The following SDK2 variants were observed in gnomAD, a reference collection of about 807,000 sequenced individuals.
SDK2 encodes the protein protein sidekick-2.
Under a neutral mutation model 253.9 loss-of-function variants are expected in SDK2, and 105 were observed. That is an observed-to-expected ratio of 0.41 (90% CI 0.35 to 0.49). The LOEUF (loss-of-function observed/expected upper bound fraction) is 0.49. Ranked by LOEUF, SDK2 falls within the 20% of genes least tolerant of loss-of-function variation. The pLI is 0.06. For synonymous variants in SDK2, 1,249 were observed against 1,234.9 expected, an observed-to-expected ratio of 1.01 and a Z score of -0.24; for missense variants, 2,608 against 3,003.0, an observed-to-expected ratio of 0.87 and a Z score of 3.07.
intron 3 of SDK2, among the ~76,000 whole-genome samples, chr17:73,468,813 C>T (rs1249986807): frequency 2.7e-5 from 4 of 150,302 alleles, no homozygotes; most frequent in Non-Finnish European, 5.9e-5. Context: ...GCTTGAGCCA[C>T]CGCACCCAGC....
Position 73,379,262 on chromosome 17 carries a change from A to G in SDK2, c.4895T>C (p.Val1632Ala), listed in dbSNP as rs1173721542. 1 of 1,555,336 alleles carries G rather than the reference A, an allele frequency of 6.4e-7. No homozygotes were observed. Among genetic ancestry groups the G allele is most frequent in the Admixed American group, 1.9e-5 (1 of 51,414 alleles). ...VPTAAPRNVV[V>A]HGATATQLDV... Reference sequence around the variant, plus strand: ...CAGCTGTGTGGCCGTGGCGCCGTGGACGACCACGTTACGAGGTGCTGCTGT... The same window carrying G: ...CAGCTGTGTGGCCGTGGCGCCGTGGGCGACCACGTTACGAGGTGCTGCTGT... The change falls in exon 36 of 45, where the codon GTC becomes GCC. Residue 1632 changes from valine to alanine, a missense_variant. Val to Ala is a moderately conservative substitution (Grantham distance 64, BLOSUM62 0). Coordinates refer to ENST00000392650, the MANE Select transcript of SDK2 (RefSeq NM_001144952.2). The surrounding 1 kb of genome is among the most constrained non-coding windows in gnomAD (Gnocchi z 4.5).
intron 1 of SDK2, among the ~76,000 whole-genome samples, chr17:73,592,695 G>A (rs909194080): frequency 6.6e-6 from 1 of 152,236 alleles, no homozygotes; most frequent in Admixed American, 6.5e-5. Flanking sequence ...GTGGCTGGCT[G>A]AGGATGCTCA....
chr17:73,522,879 T>C (rs2064093728), intron 1 of SDK2, among the ~76,000 whole-genome samples: 1 of 152,216 alleles, frequency 6.6e-6, no homozygotes, highest in Non-Finnish European at 1.5e-5. Flanking sequence ...TCTCTGTCTC[T>C]GGTCCCCAGC....
chr17:73,360,870 A>T (rs1215636818), intron 39 of SDK2, among the ~76,000 whole-genome samples: 1 of 147,814 alleles, frequency 6.8e-6, no homozygotes, highest in Non-Finnish European at 1.5e-5. Flanking sequence ...CGGGAGGTGG[A>T]GGTTGCAGTG....
chr17:73,579,665 T>C (rs980192329), intron 1 of SDK2, among the ~76,000 whole-genome samples: 2 of 152,044 alleles, frequency 1.3e-5, no homozygotes, highest in South Asian at 2.1e-4. Flanking sequence ...TAATCCAATA[T>C]GACTGATGTC....
In SDK2 at chr17:73,486,007, CT is replaced by C. The variant is rs1333809649; in HGVS notation, c.225-13790del. Among the ~76,000 whole-genome samples, 4 of 152,278 alleles carry C rather than the reference CT, an allele frequency of 2.6e-5. No individual in the cohort carries two copies. The South Asian group carries it at 8.3e-4, about 32-fold the overall frequency. On this transcript the variant is annotated intron_variant, in intron 2 of 44. Transcript: ENST00000392650. The stretch of plus-strand genomic sequence containing the variant: ...AGGCCAATTTGGTCTTTGCCATAGA[CT>C]GGAGAGAGGTGATGGGGCTGACCAT...
At position 73,524,549 on chromosome 17, in the gene SDK2, G is replaced by A. The variant is rs113211175; in HGVS notation, c.65-16952C>T. On this transcript the variant is annotated intron_variant, in intron 1 of 44. Coordinates refer to ENST00000392650, the MANE Select transcript of SDK2 (RefSeq NM_001144952.2). ...CACATCCAGACAGAGTGATGTGAGA[G>A]TCACACACCTACTGTGCCCTCTTCC... 5.6e-3 allele frequency among the ~76,000 whole-genome samples: 858 copies of A among 152,298 alleles called. 12 individuals are homozygous for A. Among genetic ancestry groups the A allele is most frequent in the African/African-American group, 0.02 (819 of 41,568 alleles).
chr17:73,477,949 C>A (rs59959072), intron 2 of SDK2, among the ~76,000 whole-genome samples: 1 of 152,084 alleles, frequency 6.6e-6, no homozygotes, highest in African/African-American at 2.4e-5. Flanking sequence ...TTCACCTACC[C>A]CTAGGTCCTT....
At chr17:73,478,519 G>A (rs1247054752) in intron 2 of SDK2, among the ~76,000 whole-genome samples, 1 of 152,322 alleles carries the variant, frequency 6.6e-6, no homozygotes, top group South Asian at 2.1e-4. Flanking sequence ...AATCCGGCAG[G>A]ACCCTGCGGC....
intron 3 of SDK2, among the ~76,000 whole-genome samples, chr17:73,464,520 C>G (rs2063584491): frequency 6.6e-6 from 1 of 152,208 alleles, no homozygotes; most frequent in Admixed American, 6.5e-5. Context: ...AATACACAGC[C>G]AAAGCACTGA....
intron 1 of SDK2, among the ~76,000 whole-genome samples, chr17:73,526,486 G>A (rs1455730320): frequency 6.6e-6 from 1 of 152,150 alleles, no homozygotes; most frequent in Non-Finnish European, 1.5e-5. Context: ...CTCTCAGCTT[G>A]GCTTCTGGGC....
chr17:73,606,213 C>T (rs866474249), intron 1 of SDK2, among the ~76,000 whole-genome samples: 8 of 152,168 alleles, frequency 5.3e-5, no homozygotes, highest in African/African-American at 1.4e-4. Context: ...AAGAGGCTGA[C>T]GTTCTCAGGG....
intron 2 of SDK2, among the ~76,000 whole-genome samples, chr17:73,499,429 G>A (rs2063868311): frequency 6.6e-6 from 1 of 152,250 alleles, no homozygotes. Flanking sequence ...CCGGCCAGAT[G>A]CCCACCTGGC....
chr17:73,387,978 C>T lies in SDK2; in HGVS notation c.4252G>A (p.Val1418Met), dbSNP rs149093785. 199 of 1,570,894 alleles carry T rather than the reference C, an allele frequency of 1.3e-4. No individual in the cohort carries two copies. Among genetic ancestry groups the T allele is most frequent in the Middle Eastern group, 1.7e-4 (1 of 5,970 alleles). ...VQQEDVRARSVLLSWEPGSDG... is the reference protein window; with the variant it reads ...VQQEDVRARSMLLSWEPGSDG... ...CTCCCTGGCTCCCAGGACAGCAGCA[C>T]GCTGCGTGCTCTCACATCCTCCTGC... is the stretch of plus-strand genomic sequence containing the variant. The change falls in exon 30 of 45, where the codon GTG becomes ATG. Residue 1418 changes from valine to methionine, a missense_variant. Coordinates refer to ENST00000392650, the MANE Select transcript of SDK2 (RefSeq NM_001144952.2).
intron 2 of SDK2, among the ~76,000 whole-genome samples, chr17:73,494,082 C>T (rs2063825284): frequency 6.6e-6 from 1 of 152,180 alleles, no homozygotes; most frequent in South Asian, 2.1e-4. Flanking sequence ...TCTCCTGTTC[C>T]CAGGGGCCCA....
At chr17:73,569,006 C>T (rs1177922505) in intron 1 of SDK2, among the ~76,000 whole-genome samples, 2 of 152,136 alleles carry the variant, frequency 1.3e-5, no homozygotes, top group East Asian at 1.9e-4. Flanking sequence ...TCTTAATTTA[C>T]ACTCATAGTA....
At chr17:73,636,192 A>C (rs1425666824) in intron 1 of SDK2, among the ~76,000 whole-genome samples, 3 of 151,628 alleles carry the variant, frequency 2.0e-5, no homozygotes, top group African/African-American at 7.3e-5. Context: ...TCACATCCTG[A>C]CTCCTCAACT....
intron 1 of SDK2, among the ~76,000 whole-genome samples, chr17:73,606,695 C>T (rs572035015): frequency 1.3e-5 from 2 of 152,206 alleles, no homozygotes; most frequent in South Asian, 2.1e-4. Flanking sequence ...AAGTCACGAT[C>T]GACTCTATCC....
chr17:73,557,916 A>C (rs1021089726), intron 1 of SDK2, among the ~76,000 whole-genome samples: 15 of 152,140 alleles, frequency 9.9e-5, no homozygotes, highest in Non-Finnish European at 2.1e-4. Context: ...CAGCAGTAGA[A>C]ATGGCAGCCA....
Sources: gnomAD v4.1 joint callset for allele counts (sites outside exome capture counted in the v4.1 genomes callset) on GRCh38, gnomAD v4.1.1 for gene constraint, Gnocchi (gnomAD v3.1) non-coding constraint, MANE v1.5 for transcripts, NCBI Gene and HGNC (gene_info 2026-07-23, HGNC 2026-07-21) for gene names.